Variants in GRIP1 observed in about 807,000 individuals in gnomAD.
The protein encoded by GRIP1 is glutamate receptor-interacting protein 1.
A neutral mutation model predicts 129.9 loss-of-function variants in GRIP1; 45 were observed. That is an observed-to-expected ratio of 0.35 (90% CI 0.27 to 0.44). The LOEUF (loss-of-function observed/expected upper bound fraction) is 0.44, where lower values mean the gene tolerates loss of function less well. Ranked by LOEUF, GRIP1 falls within the 20% of genes least tolerant of loss-of-function variation. GRIP1 has a pLI of 1.00. For synonymous variants in GRIP1, 530 were observed against 520.8 expected (o/e 1.02, Z -0.24); for missense variants, 1,196 against 1,396.8 (o/e 0.86, Z 2.29).
rs578166789 is a variant in GRIP1, at chr12:66,578,717, G to A, written c.136+18130C>T. On this transcript the variant is annotated intron_variant, in intron 2 of 24. Coordinates refer to ENST00000359742, the MANE Select transcript of GRIP1 (RefSeq NM_001366722.1). ...GCGAGGCTGGGGGAGGGGCGCCCAC[G>A]ATTGCCCAGGCTTGCTTAGGTAAAC... Among the ~76,000 whole-genome samples the A allele has an allele frequency of 1.3e-3, 196 of 151,912 alleles. 1 individual carries two copies. The highest frequency in any genetic ancestry group is 4.2e-3 in the African/African-American group (175 of 41,442).
rs1471230566 is a variant in GRIP1 at position 66,363,194 on chromosome 12, TGTGTC to T, written c.3012+8495_3012+8499del. On this transcript the variant is annotated intron_variant, in intron 23 of 24. Coordinates refer to ENST00000359742, the MANE Select transcript of GRIP1 (RefSeq NM_001366722.1). ...ACACATATATGTATATATGTGTGTG[TGTGTC>T]CATATATATATATATATATATATAT... Among the ~76,000 whole-genome samples the T allele has an allele frequency of 1.2e-3, 97 of 80,394 alleles. 2 individuals carry two copies. Among genetic ancestry groups the T allele is most frequent in the African/African-American group, 2.7e-3 (64 of 23,300 alleles). 52.7% of individuals were successfully genotyped at this position (80,394 alleles called of 152,430 possible).
intron 23 of GRIP1, among the ~76,000 whole-genome samples, chr12:66,367,717 G>T (rs2055233589): frequency 6.6e-6 from 1 of 152,198 alleles, no homozygotes; most frequent in Non-Finnish European, 1.5e-5. Flanking sequence ...ATGAGTGGGG[G>T]TATACACGTG....
intron 22 of GRIP1, among the ~76,000 whole-genome samples, chr12:66,372,668 GT>G (rs1342002181): frequency 6.6e-6 from 1 of 151,950 alleles, no homozygotes; most frequent in Non-Finnish European, 1.5e-5. Context: ...GAATTGGGAA[GT>G]TTGTTCGGTT....
intron 5 of GRIP1, among the ~76,000 whole-genome samples, chr12:66,529,148 T>C (rs954276761): frequency 6.6e-6 from 1 of 151,752 alleles, no homozygotes; most frequent in Admixed American, 6.6e-5. Context: ...AAAAAAATGT[T>C]GACGTGGATG....
At chr12:66,582,938 C>G (rs1265375231) in intron 2 of GRIP1, among the ~76,000 whole-genome samples, 1 of 148,308 alleles carries the variant, frequency 6.7e-6, no homozygotes, top group South Asian at 2.2e-4. Context: ...AAAAAGAGCC[C>G]GCATCGCCAA....
chr12:66,355,229 T>C (rs1592676064), intron 23 of GRIP1, among the ~76,000 whole-genome samples: 1 of 152,144 alleles, frequency 6.6e-6, no homozygotes, highest in Non-Finnish European at 1.5e-5. Context: ...CATGTGTGTG[T>C]GTGTGTGCAC....
chr12:66,436,618 G>C (rs760212735), intron 13 of GRIP1, among the ~76,000 whole-genome samples: 1 of 152,138 alleles, frequency 6.6e-6, no homozygotes, highest in African/African-American at 2.4e-5. Context: ...GGGGTTATAA[G>C]CACCTTTTAC....
chr12:66,637,196 G>A (rs530321895), intron 1 of GRIP1, among the ~76,000 whole-genome samples: 4 of 152,008 alleles, frequency 2.6e-5, no homozygotes, highest in African/African-American at 7.2e-5. Context: ...TGATGGGAGA[G>A]TAGAAACTGT....
chr12:66,966,088 A>G (rs776427194), intron 1 of GRIP1, among the ~76,000 whole-genome samples: 1 of 152,194 alleles, frequency 6.6e-6, no homozygotes, highest in Admixed American at 6.6e-5. Flanking sequence ...TATGGACTAT[A>G]TAAGATTCTA....
At chr12:66,678,080 AG>A (rs1477713839) in intron 1 of GRIP1, among the ~76,000 whole-genome samples, 1 of 152,180 alleles carries the variant, frequency 6.6e-6, no homozygotes, top group African/African-American at 2.4e-5. Flanking sequence ...GACACAAGGC[AG>A]GATTTTTAAG....
At chr12:66,992,890 G>A (rs112786157) in intron 1 of GRIP1, among the ~76,000 whole-genome samples, 17,787 of 152,168 alleles carry the variant, frequency 0.12, 1,257 homozygotes, top group African/African-American at 0.19. Context: ...AGGCAGGCAG[G>A]CTGCTTCAGC....
intron 1 of GRIP1, among the ~76,000 whole-genome samples, chr12:66,829,640 G>A (rs1202644258): frequency 2.0e-5 from 3 of 152,062 alleles, no homozygotes; most frequent in African/African-American, 7.2e-5. Context: ...GAATGTTTTT[G>A]TCCAATAAGA....
chr12:66,389,874 G>A (rs767322292), intron 19 of GRIP1, among the ~76,000 whole-genome samples: 12 of 152,244 alleles, frequency 7.9e-5, no homozygotes, highest in Non-Finnish European at 1.3e-4. Context: ...ACAGATACTC[G>A]TCAGTAAATT....
intron 1 of GRIP1, among the ~76,000 whole-genome samples, chr12:66,776,872 A>G (rs887092409): frequency 1.3e-5 from 2 of 152,220 alleles, no homozygotes; most frequent in Admixed American, 1.3e-4. Flanking sequence ...GCTTTTTCAG[A>G]GGCAACTTGG....
intron 2 of GRIP1, chr12:66,567,533 C>G (rs2062811508): frequency 6.5e-6 from 1 of 152,726 alleles, no homozygotes; most frequent in Non-Finnish European, 1.5e-5. Context: ...AATTGCACAA[C>G]TGCATGGAAA....
intron 13 of GRIP1, among the ~76,000 whole-genome samples, chr12:66,440,370 C>T (rs1257941303): frequency 1.3e-5 from 2 of 152,092 alleles, no homozygotes; most frequent in African/African-American, 4.8e-5. Flanking sequence ...TTTTTTACTT[C>T]AGTCACCCTG....
intron 1 of GRIP1, among the ~76,000 whole-genome samples, chr12:67,014,972 T>C (rs1351733129): frequency 1.3e-5 from 2 of 152,134 alleles, no homozygotes; most frequent in Non-Finnish European, 2.9e-5. Flanking sequence ...ATGTTTTAAG[T>C]GTAAAATAAG....
intron 1 of GRIP1, among the ~76,000 whole-genome samples, chr12:66,957,315 C>T (rs183806538): frequency 7.0e-4 from 106 of 152,060 alleles, no homozygotes; most frequent in African/African-American, 2.4e-3. Context: ...CTGCCAAACA[C>T]CTTGATCTCA....
rs1426799140 is a variant in GRIP1, at chr12:66,596,923, C to G, written c.60G>C (p.Glu20Asp). The G allele has an allele frequency of 6.2e-7, 1 of 1,608,072 alleles. No individual in the cohort carries two copies. Residue 20 changes from glutamate to aspartate, a missense_variant, in exon 2 of 25, where the codon GAG becomes GAC. Physicochemically the swap from Glu to Asp is conservative, Grantham distance 45 (BLOSUM62 2). This residue lies in a region of GRIP1 where 217 missense variants were observed against 224.8 expected (regional missense o/e 0.97). Coordinates refer to ENST00000359742, the MANE Select transcript of GRIP1 (RefSeq NM_001366722.1). ...CQILRRLTKD[E>D]SPYTKSASQT... is the part of the protein sequence containing the mutation. The stretch of plus-strand genomic sequence containing the variant: ...GGCTGGCGGATTTAGTGTAGGGACT[C>G]TCATCTGCAAAGGTACAATGAAGCG...
Sources: allele counts gnomAD v4.1 joint callset (sites outside exome capture counted in the v4.1 genomes callset), GRCh38; gene constraint gnomAD v4.1.1; regional missense constraint gnomAD v4.1.1; transcripts MANE v1.5; gene names NCBI Gene and HGNC (gene_info 2026-07-23, HGNC 2026-07-21).